The following INPP4A variants were observed in gnomAD, a reference collection of about 807,000 sequenced individuals.
INPP4A encodes inositol polyphosphate-4-phosphatase, type I, 107kD.
In INPP4A, 33 loss-of-function variants were observed where a neutral mutation model predicts 119.8. That is an observed-to-expected ratio of 0.28 (90% CI 0.21 to 0.37). The LOEUF (loss-of-function observed/expected upper bound fraction) is 0.37. Ranked by LOEUF, INPP4A falls within the 10% of genes least tolerant of loss-of-function variation. The probability of loss-of-function intolerance (pLI) is 1.00; values close to 1 mark genes in which losing one functional copy is unlikely to be tolerated. For missense variants in INPP4A, 956 were observed against 1,289.9 expected (o/e 0.74, Z 3.97); for synonymous variants, 496 against 500.7 (o/e 0.99, Z 0.12).
intron 1 of INPP4A, among the ~76,000 whole-genome samples, chr2:98,514,924 GA>G (rs35664241): frequency 0.25 from 36,387 of 145,952 alleles, 4,524 homozygotes; most frequent in Middle Eastern, 0.36. Context: ...CTAAAAGCTG[GA>G]AAAAAAAAAA....
intron 17 of INPP4A, among the ~76,000 whole-genome samples, chr2:98,560,143 CT>C (rs1425745153): frequency 6.6e-6 from 1 of 152,184 alleles, no homozygotes; most frequent in African/African-American, 2.4e-5. Context: ...GTGCTGACCC[CT>C]GATCTAGTTC....
rs114144357 is a variant in INPP4A, at chr2:98,516,450, G to A, written c.-165-2514G>A. 4.6e-3 allele frequency among the ~76,000 whole-genome samples: 696 copies of A among 152,258 alleles called. 2 individuals are homozygous for A. The highest frequency in any genetic ancestry group is 0.02 in the Middle Eastern group (6 of 294). On this transcript the variant is annotated intron_variant, in intron 1 of 24. Transcript: ENST00000409851. ...CTCCTAAGGGCAGAGCAGGCTGGTGGAGTGGGCAGGGACCCTGCAGGGAGA... is the reference window on the plus strand; with the variant it reads ...CTCCTAAGGGCAGAGCAGGCTGGTGAAGTGGGCAGGGACCCTGCAGGGAGA...
intron 1 of INPP4A, among the ~76,000 whole-genome samples, chr2:98,459,438 A>C (rs916350577): frequency 1.3e-5 from 2 of 152,132 alleles, no homozygotes; most frequent in Non-Finnish European, 2.9e-5. Flanking sequence ...GCTGAGGGGG[A>C]CACCTGTGTC....
chr2:98,537,359 CAT>C lies in INPP4A; in HGVS notation c.468-501_468-500del, dbSNP rs141491977. ...GAGGCTGGGGTAGCATCAGCTGTGT[CAT>C]ATCAGGATTCAAGGGCTTCAGGAAG... is the stretch of plus-strand genomic sequence containing the variant. On this transcript the variant is annotated intron_variant, in intron 7 of 24. Coordinates refer to ENST00000409851, the MANE Select transcript of INPP4A (RefSeq NM_001134225.2). Among the ~76,000 whole-genome samples, 101 of 152,326 alleles carry C rather than the reference CAT, an allele frequency of 6.6e-4. 2 individuals carry two copies. In the East Asian group the frequency reaches 0.01, roughly 15 times the overall value.
chr2:98,522,728 G>C (rs1193941050), intron 4 of INPP4A, among the ~76,000 whole-genome samples: 1 of 151,426 alleles, frequency 6.6e-6, no homozygotes, highest in Non-Finnish European at 1.5e-5. Flanking sequence ...TGAAATTTCG[G>C]ATCACAGGGA....
In INPP4A at chr2:98,590,962, TTG is replaced by T. The variant is rs768232741; in HGVS notation, c.*3357_*3358del. 4.3e-6 allele frequency: 1 copy of T among 231,514 alleles called. No individual in the cohort carries two copies. Among genetic ancestry groups the T allele is most frequent in the Non-Finnish European group, 8.5e-6 (1 of 116,984 alleles). The allele number at this position is 231,514 out of a possible 1,614,324, so 14.3% of individuals were successfully genotyped here. A position where few individuals can be genotyped will look rare whatever the true frequency, so the allele number is the denominator to read the frequency against. ...TTATACCTTTATGATATTTCTATGTTTGTGACTTCATTGGAATGTTGATCTAT... is the reference window on the plus strand; with the variant it reads ...TTATACCTTTATGATATTTCTATGTTTGACTTCATTGGAATGTTGATCTAT... On this transcript the variant is annotated 3_prime_UTR_variant, in exon 25 of 25. Transcript: ENST00000409851.
At chr2:98,469,306 G>A (rs1675475483) in intron 1 of INPP4A, among the ~76,000 whole-genome samples, 1 of 152,108 alleles carries the variant, frequency 6.6e-6, no homozygotes, top group African/African-American at 2.4e-5. Context: ...AGACCAGCCT[G>A]GCCAAGATGG....
At chr2:98,541,434 T>A (rs1691439107) in intron 10 of INPP4A, among the ~76,000 whole-genome samples, 1 of 152,228 alleles carries the variant, frequency 6.6e-6, no homozygotes, top group South Asian at 2.1e-4. Context: ...TATATGCACA[T>A]ATTTTAATAT....
At chr2:98,511,296 G>A (rs754546498) in intron 1 of INPP4A, among the ~76,000 whole-genome samples, 18 of 152,334 alleles carry the variant, frequency 1.2e-4, no homozygotes, top group Middle Eastern at 6.8e-3. Flanking sequence ...CTGACCTTGT[G>A]ATCTGCCTGC....
At chr2:98,460,229 G>T (rs1467226530) in intron 1 of INPP4A, among the ~76,000 whole-genome samples, 1 of 152,106 alleles carries the variant, frequency 6.6e-6, no homozygotes, top group Non-Finnish European at 1.5e-5. Flanking sequence ...AGCCTAGTAG[G>T]GTAGGGGCAC....
chr2:98,510,900 A>G (rs1254346836), intron 1 of INPP4A, among the ~76,000 whole-genome samples: 3 of 152,228 alleles, frequency 2.0e-5, no homozygotes, highest in Admixed American at 6.5e-5. Flanking sequence ...CTGCCTGTCC[A>G]TCATCACTGG....
chr2:98,563,384 G>C, intron 17 of INPP4A, 81 bp from the exon 18 acceptor site: 1 of 1,319,970 alleles, frequency 7.6e-7, no homozygotes, highest in Non-Finnish European at 1.1e-6. Flanking sequence ...GTGGTTAGGG[G>C]CCAGGTGACT....
intron 1 of INPP4A, among the ~76,000 whole-genome samples, chr2:98,471,114 G>A (rs1675919661): frequency 6.6e-6 from 1 of 152,208 alleles, no homozygotes; most frequent in African/African-American, 2.4e-5. Context: ...CACTAAAATA[G>A]TTTTAGCTGA....
rs1389671918 is a variant in INPP4A at position 98,544,017 on chromosome 2, C to T, written c.949+10C>T. 2 of 1,553,034 alleles carry T rather than the reference C, an allele frequency of 1.3e-6. No homozygotes were observed. Among genetic ancestry groups the T allele is most frequent in the South Asian group, 2.4e-5 (2 of 84,244 alleles). ...CTCCATCAGTACAGAGGTGGGTGCA[C>T]CCCCATGCTGTCACCACACACGCGT... On this transcript the variant is annotated intron_variant, in intron 11 of 24. Transcript: ENST00000409851.
chr2:98,578,511 A>G (rs1698787884), intron 24 of INPP4A, among the ~76,000 whole-genome samples: 1 of 152,216 alleles, frequency 6.6e-6, no homozygotes, highest in African/African-American at 2.4e-5. Flanking sequence ...TTCAACGGAA[A>G]CAATTCATTC....
intron 4 of INPP4A, among the ~76,000 whole-genome samples, chr2:98,531,401 A>AATT (rs1207071945): frequency 3.3e-5 from 5 of 152,258 alleles, no homozygotes; most frequent in Non-Finnish European, 5.9e-5. Context: ...GAGGAGAGTA[A>AATT]AAACAGCATA....
chr2:98,533,313 G>T, intron 4 of INPP4A, 64 bp from the exon 5 acceptor site: 2 of 1,011,822 alleles, frequency 2.0e-6, no homozygotes, highest in Admixed American at 1.7e-5. Flanking sequence ...AATGTGTTTG[G>T]AACAGAAAAC....
chr2:98,545,712 T>C (rs1471875456), intron 11 of INPP4A, among the ~76,000 whole-genome samples: 2 of 152,198 alleles, frequency 1.3e-5, no homozygotes, highest in African/African-American at 2.4e-5. Context: ...CATAGCTTTT[T>C]GAAGCCGGTT....
chr2:98,565,615 A>G, intron 19 of INPP4A, 25 bp from the exon 20 acceptor site: 3 of 1,580,256 alleles, frequency 1.9e-6, no homozygotes, highest in Non-Finnish European at 2.6e-6. Context: ...TCTGCCTGAC[A>G]GCCCTGCCCC....
Sources: gnomAD v4.1 joint callset for allele counts (sites outside exome capture counted in the v4.1 genomes callset) on GRCh38, gnomAD v4.1.1 for gene constraint, MANE v1.5 for transcripts, NCBI Gene and HGNC (gene_info 2026-07-23, HGNC 2026-07-21) for gene names.